AGAP4: variants seen among roughly 807,000 people sequenced by gnomAD.
AGAP4 encodes the protein arf-GAP with GTPase, ANK repeat and PH domain-containing protein 4.
In AGAP4, 13 loss-of-function variants were observed where a neutral mutation model predicts 60.7. That is an observed-to-expected ratio of 0.21 (90% CI 0.14 to 0.34). The LOEUF (loss-of-function observed/expected upper bound fraction) is 0.34, where lower values mean the gene tolerates loss of function less well. Among genes scored for constraint, AGAP4 ranks in the 10% least tolerant of loss-of-function variants. The probability of loss-of-function intolerance (pLI) is 1.00; values close to 1 mark genes in which losing one functional copy is unlikely to be tolerated. For synonymous variants in AGAP4, 70 were observed against 339.0 expected (o/e 0.21, Z 8.72); for missense variants, 169 against 884.0 (o/e 0.19, Z 10.26).
rs1161569792 is a variant in AGAP4 at position 45,845,011 on chromosome 10, T to C, written c.293-617A>G. Among the ~76,000 whole-genome samples the C allele has an allele frequency of 1.9e-5, 2 of 106,250 alleles. 1 individual carries two copies. Among genetic ancestry groups the C allele is most frequent in the Non-Finnish European group, 4.0e-5 (2 of 49,786 alleles). The allele number at this position is 106,250 out of a possible 152,430, so 69.7% of individuals were successfully genotyped here. On this transcript the variant is annotated intron_variant, in intron 2 of 7. Transcript: ENST00000616763. ...CCAAGTGAGACATACATAAACTGTG[T>C]TGTAATCCTAAAGAATGACAATAAA...
intron 5 of AGAP4, among the ~76,000 whole-genome samples, chr10:45,832,528 T>C (rs2058751556): frequency 7.0e-6 from 1 of 143,422 alleles, no homozygotes; most frequent in Non-Finnish European, 1.5e-5. Flanking sequence ...TTGGTAAACA[T>C]TTCCCAGGTG....
At position 45,841,787 on chromosome 10, in the gene AGAP4, C is replaced by G. The variant is rs2058923278; in HGVS notation, c.362-100G>C. 52 of 1,130,692 alleles carry G rather than the reference C, an allele frequency of 4.6e-5. No individual in the cohort carries two copies. In the South Asian group the frequency reaches 8.3e-4, roughly 18 times the overall value. 70.0% of individuals were successfully genotyped at this position (1,130,692 alleles called of 1,614,324 possible). ...CTGATTACTCCTATGAAAAATGAGA[C>G]AAAATTCCATTAAAAAAAAAATTTT... On this transcript the variant is annotated intron_variant, in intron 3 of 7. Transcript: ENST00000616763.
At chr10:45,836,896 G>A (rs1222991584) in intron 4 of AGAP4, among the ~76,000 whole-genome samples, 3 of 146,562 alleles carry the variant, frequency 2.0e-5, no homozygotes, top group Admixed American at 6.8e-5. Flanking sequence ...ATGGAGTCTC[G>A]CTCTGTTGCC....
chr10:45,852,427 A>G (rs1370415743), upstream of AGAP4, among the ~76,000 whole-genome samples: 1 of 144,552 alleles, frequency 6.9e-6, no homozygotes, highest in Non-Finnish European at 1.5e-5. Flanking sequence ...ACAAAGTGAA[A>G]GATGGGTTTA....
intron 4 of AGAP4, among the ~76,000 whole-genome samples, chr10:45,839,531 C>T (rs1554898408): frequency 2.3e-5 from 3 of 128,332 alleles, no homozygotes; most frequent in African/African-American, 8.4e-5. Flanking sequence ...CAACTTTCTT[C>T]GCTAACTCTG....
At chr10:45,834,862 C>T (rs1326717434) in intron 4 of AGAP4, among the ~76,000 whole-genome samples, 1 of 146,574 alleles carries the variant, frequency 6.8e-6, no homozygotes, top group Non-Finnish European at 1.5e-5. Flanking sequence ...CAAGCTCCGC[C>T]TCCCGGGTTC....
chr10:45,843,594 A>G (rs2058954261), intron 3 of AGAP4, among the ~76,000 whole-genome samples: 1 of 127,968 alleles, frequency 7.8e-6, no homozygotes, highest in Non-Finnish European at 1.7e-5. Context: ...CTCAAACTAT[A>G]AAAACAAAGG....
At chr10:45,845,777 AT>A (rs781987654) in intron 2 of AGAP4, among the ~76,000 whole-genome samples, 1,197 of 74,818 alleles carry the variant, frequency 0.016, 49 homozygotes, top group Admixed American at 0.023. Flanking sequence ...TAATTTTTGT[AT>A]TTTTTTTTTA....
rs1590033619 is a variant in AGAP4 at position 45,841,468 on chromosome 10, G to T, written c.396+185C>A. On this transcript the variant is annotated intron_variant, in intron 4 of 7. Coordinates refer to ENST00000616763, the MANE Select transcript of AGAP4 (RefSeq NM_001276343.3). Reference sequence around the variant, plus strand: ...AAATGTCAGAAATCTTTAAAAGGTGGACACGCTAAACTAAGCACTTTTCTG... The same window carrying T: ...AAATGTCAGAAATCTTTAAAAGGTGTACACGCTAAACTAAGCACTTTTCTG... The T allele has an allele frequency of 2.1e-5, 10 of 484,918 alleles. No homozygotes were observed. In the East Asian group the frequency reaches 3.5e-4, roughly 17 times the overall value. 30.0% of individuals were successfully genotyped at this position (484,918 alleles called of 1,614,324 possible). A position where few individuals can be genotyped will look rare whatever the true frequency, so the allele number is the denominator to read the frequency against.
upstream of AGAP4, chr10:45,847,545 A>T (rs2059020774): frequency 4.2e-6 from 6 of 1,444,096 alleles, no homozygotes; most frequent in Non-Finnish European, 5.4e-6. Context: ...CTGCGGGCCA[A>T]GGCCCGCACC....
intron 5 of AGAP4, among the ~76,000 whole-genome samples, chr10:45,832,430 G>T (rs1442369677): frequency 3.4e-5 from 5 of 149,068 alleles, no homozygotes; most frequent in African/African-American, 1.2e-4. Flanking sequence ...CATTAAAATC[G>T]CCTGAGAAGC....
At chr10:45,853,472 T>C (rs2059108141) in intron 1 of AGAP4, among the ~76,000 whole-genome samples, 3 of 151,830 alleles carry the variant, frequency 2.0e-5, no homozygotes, top group Admixed American at 2.0e-4. Flanking sequence ...ACATGCTCCC[T>C]AGCTGTGCTG....
At chr10:45,851,733 G>A (rs1307821398), upstream of AGAP4, among the ~76,000 whole-genome samples, 2 of 151,576 alleles carry the variant, frequency 1.3e-5, no homozygotes, top group African/African-American at 2.4e-5. Flanking sequence ...GGTTAGAAGA[G>A]AAGGAAGAAC....
At chr10:45,829,367 A>T (rs557775842) in intron 6 of AGAP4, among the ~76,000 whole-genome samples, 1 of 145,804 alleles carries the variant, frequency 6.9e-6, no homozygotes, top group Non-Finnish European at 1.5e-5. Context: ...TCCGTGATTT[A>T]ACTGTGAACT....
upstream of AGAP4, among the ~76,000 whole-genome samples, chr10:45,852,232 A>ACAAACAAAC (rs1432181668): frequency 0.072 from 10,303 of 142,610 alleles, 570 homozygotes; most frequent in Non-Finnish European, 0.11. Context: ...AAAAAAAAAA[A>ACAAACAAAC]AAAAAAAAAA....
chr10:45,843,460 T>C (rs1358913362), intron 3 of AGAP4, among the ~76,000 whole-genome samples: 2 of 136,130 alleles, frequency 1.5e-5, no homozygotes, highest in African/African-American at 5.9e-5. Context: ...AGCCTGAAAA[T>C]CTTTGAGCCA....
chr10:45,841,152 G>C lies in AGAP4; in HGVS notation c.396+501C>G, dbSNP rs1388289737. On this transcript the variant is annotated intron_variant, in intron 4 of 7. Transcript: ENST00000616763. ...GAGTTTTGCTCTGTCGTCCAGGCTG[G>C]AGTGCAATGGCGCGATCTTGGCTCA... Among the ~76,000 whole-genome samples the C allele has an allele frequency of 4.1e-5, 4 of 97,444 alleles. 1 individual carries two copies. The highest frequency in any genetic ancestry group is 8.7e-5 in the Non-Finnish European group (4 of 46,172). 63.9% of individuals were successfully genotyped at this position (97,444 alleles called of 152,430 possible). A position where few individuals can be genotyped will look rare whatever the true frequency, so the allele number is the denominator to read the frequency against.
At chr10:45,847,998 T>G, upstream of AGAP4, 6 of 1,015,594 alleles carry the variant, frequency 5.9e-6, no homozygotes, top group Non-Finnish European at 7.1e-6. Context: ...GCCATCTTCC[T>G]CTATGAGTTC....
At chr10:45,850,800 G>T (rs1590045040), upstream of AGAP4, among the ~76,000 whole-genome samples, 1 of 151,792 alleles carries the variant, frequency 6.6e-6, no homozygotes. Flanking sequence ...TGTAGGAAGA[G>T]AAATAGGTAA....
Sources: gnomAD v4.1 joint callset for allele counts (sites outside exome capture counted in the v4.1 genomes callset) on GRCh38, gnomAD v4.1.1 for gene constraint, MANE v1.5 for transcripts, NCBI Gene and HGNC (gene_info 2026-07-23, HGNC 2026-07-21) for gene names.